Variants in TMEM232 observed in about 807,000 individuals in gnomAD.
TMEM232 encodes transmembrane protein 232.
TMEM232 carries 80 observed loss-of-function variants against 78.8 expected under a neutral mutation model. The observed-to-expected ratio is 1.01, with a 90% CI of 0.85 to 1.22. The LOEUF is 1.22. Among genes scored for constraint, TMEM232 ranks in the 50% most tolerant of loss-of-function variants. TMEM232 has a pLI of 0.00. For synonymous variants in TMEM232, 297 were observed against 254.3 expected (o/e 1.17, Z -1.60); for missense variants, 881 against 742.2 (o/e 1.19, Z -2.17).
At chr5:110,392,400 C>G (rs1755232767) in intron 3 of TMEM232, among the ~76,000 whole-genome samples, 1 of 152,134 alleles carries the variant, frequency 6.6e-6, no homozygotes, top group Non-Finnish European at 1.5e-5. Context: ...GCTGGTGACT[C>G]CCTCCAATTT....
chr5:110,605,119 C>G lies in TMEM232; in HGVS notation c.1266G>C (p.Met422Ile), dbSNP rs1471281702. 2.6e-6 allele frequency: 4 copies of G among 1,541,682 alleles called. No homozygotes were observed. Among genetic ancestry groups the G allele is most frequent in the Non-Finnish European group, 3.5e-6 (4 of 1,141,812 alleles). ...AAACAATCTACTTACAGTTCTCTGACATTTTTGAAGAGAAATATTCCAAAA... is the reference window on the plus strand; with the variant it reads ...AAACAATCTACTTACAGTTCTCTGAGATTTTTGAAGAGAAATATTCCAAAA... ...LSLLEYFSSK[M>I]SENCDQVVWT... Residue 422 changes from methionine to isoleucine, a missense_variant, in exon 10 of 14, where the codon ATG becomes ATC. By Grantham distance (10) the Met-to-Ile change is conservative (BLOSUM62 1). Transcript: ENST00000455884.
Position 110,576,512 on chromosome 5 carries a change from T to C in TMEM232, c.1277-7887A>G, listed in dbSNP as rs116686674. Among the ~76,000 whole-genome samples the C allele has an allele frequency of 6.5e-3, 994 of 152,202 alleles. 6 individuals carry two copies. The highest frequency in any genetic ancestry group is 8.6e-3 in the Non-Finnish European group (584 of 67,986). Reference sequence around the variant, plus strand: ...TCCTATTAAACTATCACTGACATTCTTGACAGAACTAGAAAATACTGAAAA... The same window carrying C: ...TCCTATTAAACTATCACTGACATTCCTGACAGAACTAGAAAATACTGAAAA... On this transcript the variant is annotated intron_variant, in intron 10 of 13. Coordinates refer to ENST00000455884, the MANE Select transcript of TMEM232 (RefSeq NM_001039763.4).
intron 10 of TMEM232, among the ~76,000 whole-genome samples, chr5:110,589,507 T>C (rs1036070071): frequency 6.6e-6 from 1 of 152,158 alleles, no homozygotes; most frequent in Non-Finnish European, 1.5e-5. Flanking sequence ...GAATGGACCA[T>C]CTAGTCTAGT....
chr5:110,601,161 C>G, intron 10 of TMEM232, among the ~76,000 whole-genome samples: 1 of 152,006 alleles, frequency 6.6e-6, no homozygotes, highest in Non-Finnish European at 1.5e-5. Flanking sequence ...TATCTCAAAA[C>G]AATAAGAGCC....
At chr5:110,480,314 T>C (rs2149394047) in intron 12 of TMEM232, among the ~76,000 whole-genome samples, 1 of 152,122 alleles carries the variant, frequency 6.6e-6, no homozygotes, top group Admixed American at 6.6e-5. Context: ...TTAAATGGTA[T>C]ATTTTCATTT....
At chr5:110,580,545 A>C (rs1362486247) in intron 10 of TMEM232, among the ~76,000 whole-genome samples, 1 of 151,580 alleles carries the variant, frequency 6.6e-6, no homozygotes, top group Non-Finnish European at 1.5e-5. Context: ...TAAGCAATGC[A>C]TAACTATATA....
chr5:110,600,855 CA>C, intron 10 of TMEM232, among the ~76,000 whole-genome samples: 1 of 151,906 alleles, frequency 6.6e-6, no homozygotes, highest in East Asian at 1.9e-4. Flanking sequence ...AGAGACACAA[CA>C]AAAAAAGGTT....
In TMEM232 at chr5:110,631,023, T is replaced by C. The variant is rs946660673; in HGVS notation, c.502-3143A>G. Among the ~76,000 whole-genome samples the C allele has an allele frequency of 3.9e-5, 6 of 151,964 alleles. No individual in the cohort carries two copies. In the South Asian group the frequency reaches 6.3e-4, roughly 16 times the overall value. ...ACTACAGCAGTGTACCATGTGAGAG[T>C]ACAGCCATCATGGGGCTGCATCCTC... On this transcript the variant is annotated intron_variant, in intron 5 of 13. Coordinates refer to ENST00000455884, the MANE Select transcript of TMEM232 (RefSeq NM_001039763.4).
intron 10 of TMEM232, among the ~76,000 whole-genome samples, chr5:110,587,885 T>C (rs1417221006): frequency 4.0e-5 from 6 of 151,726 alleles, no homozygotes; most frequent in Non-Finnish European, 8.8e-5. Context: ...TACTATACTT[T>C]TAGATGTGTC....
intron 2 of TMEM232, among the ~76,000 whole-genome samples, chr5:110,663,360 A>G (rs1790067163): frequency 6.6e-6 from 1 of 152,064 alleles, no homozygotes; most frequent in Non-Finnish European, 1.5e-5. Flanking sequence ...ATATTTAATA[A>G]TACCAACATA....
chr5:110,589,691 G>T (rs890985234), intron 10 of TMEM232, among the ~76,000 whole-genome samples: 2 of 152,044 alleles, frequency 1.3e-5, no homozygotes, highest in Admixed American at 1.3e-4. Flanking sequence ...TAATCTTGTT[G>T]TAATGATTAA....
chr5:110,598,391 G>C (rs993637681), intron 10 of TMEM232, among the ~76,000 whole-genome samples: 3 of 152,134 alleles, frequency 2.0e-5, no homozygotes, highest in African/African-American at 7.2e-5. Context: ...GAAGAAATAG[G>C]AACGCTTTTA....
At position 110,613,645 on chromosome 5, in the gene TMEM232, C is replaced by T. The variant is rs550976383; in HGVS notation, c.902+4784G>A. 2.0e-5 allele frequency among the ~76,000 whole-genome samples: 3 copies of T among 152,174 alleles called. No individual in the cohort carries two copies. The East Asian group carries it at 5.8e-4, about 29-fold the overall frequency. On this transcript the variant is annotated intron_variant, in intron 8 of 13. Coordinates refer to ENST00000455884, the MANE Select transcript of TMEM232 (RefSeq NM_001039763.4). ...TGAAGTCTTAATGCATCATCAGGGC[C>T]TGGTGCCTCAATATTTCTTTTTCAT... is the stretch of plus-strand genomic sequence containing the variant.
chr5:110,454,978 T>C (rs1760741576), intron 12 of TMEM232, among the ~76,000 whole-genome samples: 1 of 151,276 alleles, frequency 6.6e-6, no homozygotes, highest in Non-Finnish European at 1.5e-5. Flanking sequence ...ATACAAATTA[T>C]CAATATTAAA....
intron 12 of TMEM232, among the ~76,000 whole-genome samples, chr5:110,480,948 T>C (rs531731020): frequency 3.3e-4 from 50 of 152,230 alleles, no homozygotes; most frequent in African/African-American, 1.1e-3. Flanking sequence ...TTTTATACTA[T>C]AAATTATATG....
In TMEM232 at chr5:110,419,813, T is replaced by TCCA. The variant is rs1756465149; in HGVS notation, c.*764_*766dup. ...AAGGAATATAAGACATCACAAAAAC[T>TCCA]CCACCCTATTACTCTTACTCATAGG... On this transcript the variant is annotated 3_prime_UTR_variant, in exon 14 of 14. Coordinates refer to ENST00000455884, the MANE Select transcript of TMEM232 (RefSeq NM_001039763.4). Among the ~76,000 whole-genome samples the TCCA allele has an allele frequency of 1.3e-5, 2 of 152,090 alleles. No individual in the cohort carries two copies. Among genetic ancestry groups the TCCA allele is most frequent in the African/African-American group, 4.8e-5 (2 of 41,444 alleles).
chr5:110,516,095 C>G (rs952655726), intron 12 of TMEM232, among the ~76,000 whole-genome samples: 1 of 152,004 alleles, frequency 6.6e-6, no homozygotes, highest in Non-Finnish European at 1.5e-5. Context: ...AAAAATTACC[C>G]GGGCGTGGTG....
intron 13 of TMEM232, among the ~76,000 whole-genome samples, chr5:110,424,566 C>G (rs1757037651): frequency 6.6e-6 from 1 of 152,064 alleles, no homozygotes; most frequent in Non-Finnish European, 1.5e-5. Flanking sequence ...ATTCTTGTCA[C>G]AAGAAATCAG....
chr5:110,555,596 T>G (rs1774982495), intron 11 of TMEM232, among the ~76,000 whole-genome samples: 1 of 152,126 alleles, frequency 6.6e-6, no homozygotes, highest in South Asian at 2.1e-4. Flanking sequence ...GTCAGTGGAG[T>G]GTTGAAGTCT....
Sources: allele counts gnomAD v4.1 joint callset (sites outside exome capture counted in the v4.1 genomes callset), GRCh38; gene constraint gnomAD v4.1.1; transcripts MANE v1.5; gene names NCBI Gene and HGNC (gene_info 2026-07-23, HGNC 2026-07-21).